The following RAD51B variants were observed in gnomAD, a reference collection of about 807,000 sequenced individuals.
RAD51B encodes DNA repair protein RAD51 homolog 2.
Under a neutral mutation model 42.2 loss-of-function variants are expected in RAD51B, and 38 were observed. The ratio of observed to expected loss-of-function variants is 0.90; its 90% CI spans 0.70 to 1.18. The LOEUF (loss-of-function observed/expected upper bound fraction) is 1.18, where lower values mean the gene tolerates loss of function less well. Among genes scored for constraint, RAD51B ranks in the 50% most tolerant of loss-of-function variants. The pLI, the probability that RAD51B is intolerant of heterozygous loss-of-function variation, is 0.00. For missense variants in RAD51B, 373 were observed against 400.7 expected (o/e 0.93, Z 0.59); for synonymous variants, 154 against 145.2 (o/e 1.06, Z -0.43).
At position 68,248,658 on chromosome 14, in the gene RAD51B, A is replaced by G. The variant is rs75544510; in HGVS notation, c.757-43226A>G. Among the ~76,000 whole-genome samples the G allele has an allele frequency of 3.3e-3, 502 of 152,316 alleles. 2 individuals carry two copies. Among genetic ancestry groups the G allele is most frequent in the African/African-American group, 0.011 (476 of 41,572 alleles). ...GGAGTGGGTATCTGAATAGTGAGGC[A>G]TAAAACCATCTGTGGCTACATGAGA... is the stretch of plus-strand genomic sequence containing the variant. On this transcript the variant is annotated intron_variant, in intron 7 of 10. Transcript: ENST00000471583.
At chr14:68,004,994 A>G (rs9672111) in intron 7 of RAD51B, among the ~76,000 whole-genome samples, 8,754 of 150,284 alleles carry the variant, frequency 0.058, 619 homozygotes, top group African/African-American at 0.17. Flanking sequence ...ATACAATAGA[A>G]CATATTACAT....
chr14:67,944,740 A>G (rs910472878), intron 7 of RAD51B, among the ~76,000 whole-genome samples: 1 of 152,162 alleles, frequency 6.6e-6, no homozygotes, highest in Non-Finnish European at 1.5e-5. Context: ...TTGCTGCAAG[A>G]GTTTCGCCAG....
chr14:68,538,245 G>A (rs1487151191), intron 10 of RAD51B, among the ~76,000 whole-genome samples: 1 of 152,200 alleles, frequency 6.6e-6, no homozygotes, highest in Non-Finnish European at 1.5e-5. Flanking sequence ...TTAAGCCAGA[G>A]GGACAGCCAA....
chr14:68,092,947 A>C lies in RAD51B; in HGVS notation c.757-198937A>C, dbSNP rs1237166285. ...TTTGTCAAAGGCTTTTTCTGCATCT[A>C]TTGAGATAATCATGTGGTTTTTGTC... is the stretch of plus-strand genomic sequence containing the variant. On this transcript the variant is annotated intron_variant, in intron 7 of 10. Coordinates refer to ENST00000471583, the MANE Select transcript of RAD51B (RefSeq NM_133510.4). 5.3e-5 allele frequency among the ~76,000 whole-genome samples: 8 copies of C among 150,122 alleles called. No individual in the cohort carries two copies. In the South Asian group the frequency reaches 8.6e-4, roughly 16 times the overall value.
intron 4 of RAD51B, among the ~76,000 whole-genome samples, chr14:67,850,518 C>T (rs1555405788): frequency 6.6e-6 from 1 of 152,100 alleles, no homozygotes; most frequent in Non-Finnish European, 1.5e-5. Context: ...GTAGATGATG[C>T]TTACGGGTGA....
chr14:68,138,940 C>A (rs897503087), intron 7 of RAD51B, among the ~76,000 whole-genome samples: 1 of 152,034 alleles, frequency 6.6e-6, no homozygotes, highest in South Asian at 2.1e-4. Context: ...GGAAAAGTAG[C>A]CATCTTTATT....
chr14:68,229,995 T>C (rs2080115348), intron 7 of RAD51B, among the ~76,000 whole-genome samples: 1 of 152,202 alleles, frequency 6.6e-6, no homozygotes, highest in African/African-American at 2.4e-5. Context: ...TTGAAGCAAC[T>C]CATATCATTT....
chr14:68,147,429 A>G (rs570697643), intron 7 of RAD51B, among the ~76,000 whole-genome samples: 1 of 152,300 alleles, frequency 6.6e-6, no homozygotes, highest in Admixed American at 6.5e-5. Context: ...ATTCTGACAC[A>G]TTAACCTGGC....
chr14:68,249,026 A>T (rs1053615311), intron 7 of RAD51B, among the ~76,000 whole-genome samples: 4 of 152,246 alleles, frequency 2.6e-5, no homozygotes, highest in Non-Finnish European at 5.9e-5. Context: ...GGCTGGGCTG[A>T]GTCAGTTGGA....
chr14:67,908,346 A>G (rs1301096129), intron 7 of RAD51B: 2 of 152,220 alleles, frequency 1.3e-5, no homozygotes, highest in Non-Finnish European at 2.9e-5. Context: ...CTTAAGGGAA[A>G]GGTGGAACTT....
intron 7 of RAD51B, among the ~76,000 whole-genome samples, chr14:68,166,859 C>T (rs1317056659): frequency 6.6e-6 from 1 of 152,096 alleles, no homozygotes; most frequent in African/African-American, 2.4e-5. Context: ...TATCTATCCA[C>T]CCCATCTCTC....
At chr14:68,367,831 A>G (rs142491232) in intron 8 of RAD51B, among the ~76,000 whole-genome samples, 150 of 152,354 alleles carry the variant, frequency 9.8e-4, no homozygotes, top group African/African-American at 3.5e-3. Context: ...TGATGGACAC[A>G]AAGTGCTGGT....
chr14:67,870,150 A>G (rs1004963138), intron 5 of RAD51B, among the ~76,000 whole-genome samples: 3 of 150,420 alleles, frequency 2.0e-5, no homozygotes, highest in Admixed American at 6.6e-5. Flanking sequence ...CAAATTGGAT[A>G]AAGAGTCAAG....
At chr14:67,846,721 A>G (rs1052921608) in intron 4 of RAD51B, among the ~76,000 whole-genome samples, 11 of 152,138 alleles carry the variant, frequency 7.2e-5, no homozygotes, top group Admixed American at 3.9e-4. Context: ...CCAGCAGACA[A>G]GGGGTGCTTT....
chr14:68,587,178 A>G (rs1175657038), intron 10 of RAD51B, among the ~76,000 whole-genome samples: 2 of 152,266 alleles, frequency 1.3e-5, no homozygotes, highest in East Asian at 3.9e-4. Context: ...CTGTCCACAC[A>G]AAAGAGGGGG....
At chr14:68,361,678 TTGTC>T (rs886383736) in intron 8 of RAD51B, among the ~76,000 whole-genome samples, 7 of 152,142 alleles carry the variant, frequency 4.6e-5, no homozygotes, top group African/African-American at 1.4e-4. Flanking sequence ...AGTCTTTTGT[TTGTC>T]TGTTTGTTTT....
At chr14:68,359,080 T>C (rs973203434) in intron 8 of RAD51B, among the ~76,000 whole-genome samples, 1 of 152,020 alleles carries the variant, frequency 6.6e-6, no homozygotes, top group Non-Finnish European at 1.5e-5. Context: ...GGAGGTGCCA[T>C]AGGCCAGCCT....
chr14:68,563,393 C>T (rs988474331), intron 10 of RAD51B: 48 of 985,254 alleles, frequency 4.9e-5, no homozygotes, highest in African/African-American at 7.0e-5. Flanking sequence ...TCTTTCTTCC[C>T]GCCCCCCAAG....
At chr14:68,640,526 CAAAG>C (rs1333512860) in intron 10 of RAD51B, among the ~76,000 whole-genome samples, 2 of 152,190 alleles carry the variant, frequency 1.3e-5, no homozygotes, top group Non-Finnish European at 1.5e-5. Flanking sequence ...GTTGGGGACT[CAAAG>C]GAACCAAAAT....
Sources: allele counts gnomAD v4.1 joint callset (sites outside exome capture counted in the v4.1 genomes callset), GRCh38; gene constraint gnomAD v4.1.1; transcripts MANE v1.5; gene names NCBI Gene and HGNC (gene_info 2026-07-23, HGNC 2026-07-21).